The following SCN11A variants were observed in gnomAD, a reference collection of about 807,000 sequenced individuals.
SCN11A encodes sodium channel protein type 11 subunit alpha.
SCN11A carries 122 observed loss-of-function variants against 162.2 expected under a neutral mutation model. That is an observed-to-expected ratio of 0.75 (90% CI 0.65 to 0.87). SCN11A has a LOEUF of 0.87. Among genes scored for constraint, SCN11A ranks in the 40% least tolerant of loss-of-function variants. The pLI is 0.00. For missense variants in SCN11A, 2,015 were observed against 2,181.6 expected (o/e 0.92, Z 1.52); for synonymous variants, 758 against 751.5 (o/e 1.01, Z -0.14).
intron 2 of SCN11A, among the ~76,000 whole-genome samples, chr3:39,031,671 C>G (rs532243965): frequency 1.1e-4 from 17 of 152,210 alleles, no homozygotes; most frequent in African/African-American, 3.4e-4. Flanking sequence ...TCTATGTATA[C>G]TTATATAATC....
intron 2 of SCN11A, among the ~76,000 whole-genome samples, chr3:38,996,990 C>A (rs1367275132): frequency 6.6e-6 from 1 of 152,196 alleles, no homozygotes. Context: ...ACATGACCAT[C>A]AGTTCCCCGC....
intron 12 of SCN11A, 152 bp downstream of exon 12, chr3:38,909,914 A>T: frequency 2.4e-6 from 2 of 837,294 alleles, no homozygotes; most frequent in Non-Finnish European, 3.6e-6. Context: ...GGCAGAATTT[A>T]ACAGTACAAC....
At chr3:38,960,170 T>G (rs2066726926) in intron 3 of SCN11A, among the ~76,000 whole-genome samples, 113 bp downstream of exon 3, 1 of 151,944 alleles carries the variant, frequency 6.6e-6, no homozygotes, top group South Asian at 2.1e-4. Flanking sequence ...GATCAGAAAA[T>G]AATCACAAAA....
chr3:39,004,501 T>C (rs532824409), intron 2 of SCN11A, among the ~76,000 whole-genome samples: 1 of 152,314 alleles, frequency 6.6e-6, no homozygotes, highest in South Asian at 2.1e-4. Context: ...CTTGAGTATT[T>C]GGGCTCTTTT....
chr3:38,882,559 T>C (rs565302243), intron 22 of SCN11A, among the ~76,000 whole-genome samples: 115 of 152,136 alleles, frequency 7.6e-4, no homozygotes, highest in Non-Finnish European at 1.2e-3. Context: ...ATGCAGGTGA[T>C]AAGAGAAAAG....
rs1363418087 is a variant in SCN11A at position 38,846,403 on chromosome 3, C to T, written c.*291G>A. The stretch of plus-strand genomic sequence containing the variant: ...CTGGGATTACAGGCATGAGCCACTG[C>T]GCCCGGCCTGAACTATTTCAATCCT... On this transcript the variant is annotated 3_prime_UTR_variant, in exon 30 of 30. Coordinates refer to ENST00000302328, the MANE Select transcript of SCN11A (RefSeq NM_001349253.2). The T allele has an allele frequency of 3.6e-5, 12 of 331,036 alleles. No individual in the cohort carries two copies. The highest frequency in any genetic ancestry group is 8.9e-5 in the South Asian group (2 of 22,356). The allele number at this position is 331,036 out of a possible 1,614,324, so 20.5% of individuals were successfully genotyped here.
rs2065044840 is a variant in SCN11A at position 38,866,583 on chromosome 3, C to G, written c.3951+738G>C. 2.6e-5 allele frequency among the ~76,000 whole-genome samples: 4 copies of G among 151,942 alleles called. No individual in the cohort carries two copies. In the South Asian group the frequency reaches 8.3e-4, roughly 32 times the overall value. ...GACATAAGCTTATAACTAATGAGGTCAAAACTACAAAATTAAAAATATAAG... is the reference window on the plus strand; with the variant it reads ...GACATAAGCTTATAACTAATGAGGTGAAAACTACAAAATTAAAAATATAAG... On this transcript the variant is annotated intron_variant, in intron 27 of 29. Transcript: ENST00000302328.
intron 16 of SCN11A, among the ~76,000 whole-genome samples, chr3:38,901,436 C>T (rs2065697295): frequency 6.6e-6 from 1 of 152,130 alleles, no homozygotes; most frequent in Non-Finnish European, 1.5e-5. Flanking sequence ...TTGACTCACT[C>T]CTCCTTCTTG....
rs540506161 is a variant in SCN11A at position 38,948,727 on chromosome 3, T to G, written c.267+1369A>C. On this transcript the variant is annotated intron_variant, in intron 5 of 29. Transcript: ENST00000302328. The stretch of plus-strand genomic sequence containing the variant: ...TCTTATTTAAAGTGAGGACCCAGGC[T>G]GAGAAGTGGTGGTCCTAGAATTACC... Among the ~76,000 whole-genome samples the G allele has an allele frequency of 7.2e-5, 11 of 152,332 alleles. No individual in the cohort carries two copies. The South Asian group carries it at 2.3e-3, about 32-fold the overall frequency.
At chr3:38,898,502 G>A (rs550644542) in intron 17 of SCN11A, among the ~76,000 whole-genome samples, 3 of 152,268 alleles carry the variant, frequency 2.0e-5, no homozygotes, top group Admixed American at 1.3e-4. Flanking sequence ...TTCAGGCCAC[G>A]AGTCTGAATC....
intron 2 of SCN11A, among the ~76,000 whole-genome samples, chr3:38,974,253 T>C (rs2066834130): frequency 2.0e-5 from 3 of 152,146 alleles, no homozygotes; most frequent in Admixed American, 6.5e-5. Flanking sequence ...AGAAATGTAA[T>C]GCACAAGTTA....
At chr3:38,853,741 T>C (rs540302063) in intron 28 of SCN11A, among the ~76,000 whole-genome samples, 2 of 152,230 alleles carry the variant, frequency 1.3e-5, no homozygotes, top group East Asian at 1.9e-4. Flanking sequence ...ATGCTTCCGA[T>C]TGCAAGCCCT....
chr3:38,955,793 A>G (rs1186976773), intron 3 of SCN11A, among the ~76,000 whole-genome samples: 4 of 152,236 alleles, frequency 2.6e-5, no homozygotes, highest in African/African-American at 9.6e-5. Context: ...CCAAACAATG[A>G]AAAGAGAATT....
intron 23 of SCN11A, among the ~76,000 whole-genome samples, chr3:38,876,997 T>G (rs112342023): frequency 0.049 from 7,248 of 147,706 alleles, 724 homozygotes; most frequent in African/African-American, 0.17. Context: ...GATATATATA[T>G]AGAGAGAGAA....
At chr3:38,893,850 T>C (rs536182667) in intron 19 of SCN11A, among the ~76,000 whole-genome samples, 4 of 151,984 alleles carry the variant, frequency 2.6e-5, no homozygotes, top group Admixed American at 1.3e-4. Flanking sequence ...GAAAATAAAA[T>C]GTATTTGATA....
chr3:38,977,700 C>T (rs2066857525), intron 2 of SCN11A, among the ~76,000 whole-genome samples: 2 of 152,180 alleles, frequency 1.3e-5, no homozygotes, highest in African/African-American at 4.8e-5. Context: ...ATCTCCATCA[C>T]CCAACAACAT....
intron 9 of SCN11A, among the ~76,000 whole-genome samples, chr3:38,923,482 A>G (rs902566680): frequency 6.6e-6 from 1 of 152,180 alleles, no homozygotes; most frequent in Non-Finnish European, 1.5e-5. Context: ...ATCTGACCCC[A>G]AGGCCTGCTC....
chr3:38,887,372 C>A (rs1187885948), intron 19 of SCN11A, among the ~76,000 whole-genome samples: 1 of 150,058 alleles, frequency 6.7e-6, no homozygotes, highest in Non-Finnish European at 1.5e-5. Context: ...CACCTCCTAG[C>A]CCCTCTTGCC....
chr3:38,864,529 A>G (rs1191800169), intron 27 of SCN11A, among the ~76,000 whole-genome samples: 1 of 152,108 alleles, frequency 6.6e-6, no homozygotes, highest in Non-Finnish European at 1.5e-5. Flanking sequence ...AAAGGGGGAG[A>G]TATAGATGTT....
Sources: allele counts gnomAD v4.1 joint callset (sites outside exome capture counted in the v4.1 genomes callset), GRCh38; gene constraint gnomAD v4.1.1; transcripts MANE v1.5; gene names NCBI Gene and HGNC (gene_info 2026-07-23, HGNC 2026-07-21).